The following FAM117B variants were observed in gnomAD, a reference collection of about 807,000 sequenced individuals.
FAM117B encodes the protein family with sequence similarity 117 member B.
FAM117B carries 22 observed loss-of-function variants against 52.8 expected under a neutral mutation model. The ratio of observed to expected loss-of-function variants is 0.42; its 90% CI spans 0.30 to 0.59. The LOEUF (loss-of-function observed/expected upper bound fraction) is 0.59, where lower values mean the gene tolerates loss of function less well. FAM117B is among the 20% of genes least tolerant of loss of function. The probability of loss-of-function intolerance (pLI) is 0.22; values close to 1 mark genes in which losing one functional copy is unlikely to be tolerated. For missense variants in FAM117B, 678 were observed against 802.6 expected (o/e 0.84, Z 1.88); for synonymous variants, 309 against 324.1 (o/e 0.95, Z 0.50).
At chr2:202,662,499 A>G (rs183266522) in intron 1 of FAM117B, among the ~76,000 whole-genome samples, 3 of 152,182 alleles carry the variant, frequency 2.0e-5, no homozygotes, top group African/African-American at 4.8e-5. Context: ...GCTAATAGCA[A>G]TGTAGTCAAG....
At chr2:202,685,841 A>C (rs775856260) in intron 1 of FAM117B, among the ~76,000 whole-genome samples, 46 of 152,228 alleles carry the variant, frequency 3.0e-4, no homozygotes, top group Non-Finnish European at 5.4e-4. Context: ...AGAAGAAAAC[A>C]TAGGAGCAAA....
At chr2:202,641,088 C>T (rs1689762708) in intron 1 of FAM117B, among the ~76,000 whole-genome samples, 1 of 152,212 alleles carries the variant, frequency 6.6e-6, no homozygotes. Flanking sequence ...GTAAAACACA[C>T]AAGGAATTCC....
rs1278812047 is a variant in FAM117B, at chr2:202,640,293, AAAATATATATATAT to A, written c.601+4507_601+4520del. ...TCACAACAACCACCACCACCACCAC[AAAATATATATATAT>A]ATATATATATATATATATATATATA... On this transcript the variant is annotated intron_variant, in intron 1 of 7. Transcript: ENST00000392238. Among the ~76,000 whole-genome samples the A allele has an allele frequency of 1.2e-3, 74 of 61,646 alleles. 2 individuals carry two copies. The highest frequency in any genetic ancestry group is 3.1e-3 in the South Asian group (6 of 1,940). 40.4% of individuals were successfully genotyped at this position (61,646 alleles called of 152,430 possible). A position where few individuals can be genotyped will look rare whatever the true frequency, so the allele number is the denominator to read the frequency against.
intron 4 of FAM117B, among the ~76,000 whole-genome samples, chr2:202,752,422 T>C (rs1014483654): frequency 5.3e-5 from 8 of 151,286 alleles, no homozygotes; most frequent in East Asian, 3.9e-4. Context: ...TTTTCTTTTT[T>C]TTTTTTTTTT....
intron 4 of FAM117B, among the ~76,000 whole-genome samples, chr2:202,737,189 CCA>C (rs1172205563): frequency 6.6e-6 from 1 of 152,046 alleles, no homozygotes; most frequent in Non-Finnish European, 1.5e-5. Flanking sequence ...AAAATTCTTC[CCA>C]CATTTTATTA....
chr2:202,643,011 A>C (rs1689793809), intron 1 of FAM117B, among the ~76,000 whole-genome samples: 1 of 152,218 alleles, frequency 6.6e-6, no homozygotes, highest in South Asian at 2.1e-4. Flanking sequence ...CTGAGCCTGG[A>C]GAATAGGCCT....
intron 1 of FAM117B, among the ~76,000 whole-genome samples, chr2:202,681,163 G>A: frequency 6.6e-6 from 1 of 151,910 alleles, no homozygotes; most frequent in Non-Finnish European, 1.5e-5. Flanking sequence ...ACCCTAGATA[G>A]AGCAACTAAA....
In FAM117B at chr2:202,675,445, C is replaced by CAAAAA. The variant is rs386392341; in HGVS notation, c.602-20417_602-20413dup. 3.1e-3 allele frequency among the ~76,000 whole-genome samples: 206 copies of CAAAAA among 67,254 alleles called. 5 individuals are homozygous for CAAAAA. The highest frequency in any genetic ancestry group is 0.012 in the Middle Eastern group (1 of 86). 44.1% of individuals were successfully genotyped at this position (67,254 alleles called of 152,430 possible). A position where few individuals can be genotyped will look rare whatever the true frequency, so the allele number is the denominator to read the frequency against. On this transcript the variant is annotated intron_variant, in intron 1 of 7. Transcript: ENST00000392238. ...TGGGCGACAGAGTGAGACCTTATCTCAAAAAAAAAAAAAAAAAAAAAAAGG... is the reference window on the plus strand; with the variant it reads ...TGGGCGACAGAGTGAGACCTTATCTCAAAAAAAAAAAAAAAAAAAAAAAAAAAAGG...
At chr2:202,659,413 G>A (rs986497149) in intron 1 of FAM117B, among the ~76,000 whole-genome samples, 2 of 151,804 alleles carry the variant, frequency 1.3e-5, no homozygotes, top group Non-Finnish European at 2.9e-5. Flanking sequence ...GGGCTCAGGC[G>A]ATCCTCCTAC....
intron 7 of FAM117B, among the ~76,000 whole-genome samples, chr2:202,762,243 T>G (rs529956331): frequency 6.6e-6 from 1 of 152,108 alleles, no homozygotes; most frequent in East Asian, 1.9e-4. Flanking sequence ...AACTGGGGGG[T>G]CGGGATGGGG....
intron 1 of FAM117B, among the ~76,000 whole-genome samples, chr2:202,687,211 A>G (rs1306120011): frequency 6.6e-6 from 1 of 152,232 alleles, no homozygotes; most frequent in East Asian, 1.9e-4. Flanking sequence ...TTATGTGATT[A>G]CATTTGTATG....
intron 1 of FAM117B, among the ~76,000 whole-genome samples, chr2:202,673,346 C>G (rs976433657): frequency 6.6e-6 from 1 of 150,786 alleles, no homozygotes; most frequent in Admixed American, 6.6e-5. Context: ...TAAGTAGTTC[C>G]TCTTACTGTT....
chr2:202,711,241 T>C (rs141270070), intron 2 of FAM117B, among the ~76,000 whole-genome samples: 1 of 152,334 alleles, frequency 6.6e-6, no homozygotes, highest in East Asian at 1.9e-4. Context: ...GGCTTTTGGA[T>C]AAAAACCATT....
chr2:202,643,732 C>T (rs532309075), intron 1 of FAM117B, among the ~76,000 whole-genome samples: 2 of 151,920 alleles, frequency 1.3e-5, no homozygotes, highest in South Asian at 4.2e-4. Context: ...TTTTTTGAGA[C>T]AGAGTCTCGC....
intron 1 of FAM117B, among the ~76,000 whole-genome samples, chr2:202,667,210 C>T (rs965350492): frequency 1.3e-5 from 2 of 152,142 alleles, no homozygotes; most frequent in Admixed American, 1.3e-4. Context: ...AAGCAGTTCT[C>T]CTGCCTCACC....
intron 1 of FAM117B, among the ~76,000 whole-genome samples, chr2:202,694,346 A>G (rs1690677508): frequency 6.6e-6 from 1 of 151,528 alleles, no homozygotes; most frequent in Non-Finnish European, 1.5e-5. Flanking sequence ...GCCCGCCACC[A>G]CACCTGGCTA....
chr2:202,754,459 C>T (rs1379102989), intron 4 of FAM117B, among the ~76,000 whole-genome samples: 2 of 151,968 alleles, frequency 1.3e-5, no homozygotes, highest in African/African-American at 4.8e-5. Flanking sequence ...TGTAACAAAC[C>T]TGCATGTTCT....
intron 1 of FAM117B, among the ~76,000 whole-genome samples, chr2:202,647,161 G>A (rs1689881413): frequency 6.6e-6 from 1 of 151,876 alleles, no homozygotes; most frequent in African/African-American, 2.4e-5. Flanking sequence ...ACTTAGTAAA[G>A]TTATTTTTTA....
At chr2:202,668,168 C>T (rs1020633516) in intron 1 of FAM117B, among the ~76,000 whole-genome samples, 4 of 135,020 alleles carry the variant, frequency 3.0e-5, no homozygotes, top group African/African-American at 1.2e-4. Context: ...TTATATAATA[C>T]ATACATATTA....
Sources: gnomAD v4.1 joint callset for allele counts (sites outside exome capture counted in the v4.1 genomes callset) on GRCh38, gnomAD v4.1.1 for gene constraint, MANE v1.5 for transcripts, NCBI Gene and HGNC (gene_info 2026-07-23, HGNC 2026-07-21) for gene names.